Variants in JAZF1 observed in about 807,000 individuals in gnomAD.
The protein encoded by JAZF1 is juxtaposed with another zinc finger protein 1.
In JAZF1, 8 loss-of-function variants were observed where a neutral mutation model predicts 26.4. That is an observed-to-expected ratio of 0.30 (90% CI 0.18 to 0.55). The LOEUF is 0.55. Ranked by LOEUF, JAZF1 falls within the 20% of genes least tolerant of loss-of-function variation. The pLI is 0.94. For missense variants in JAZF1, 199 were observed against 322.0 expected (o/e 0.62, Z 2.92); for synonymous variants, 126 against 122.3 (o/e 1.03, Z -0.20).
intron 4 of JAZF1, 93 bp from the exon 5 acceptor site, chr7:27,833,069 G>A: frequency 1.0e-6 from 1 of 957,720 alleles, no homozygotes. Context: ...GCAGTTCCTG[G>A]ATGGCAGCTG....
chr7:27,991,176 G>T (rs1042775043), intron 2 of JAZF1, among the ~76,000 whole-genome samples: 5 of 152,140 alleles, frequency 3.3e-5, no homozygotes, highest in Admixed American at 2.0e-4. Flanking sequence ...CCTATCAATA[G>T]AAATTCATTC....
intron 3 of JAZF1, among the ~76,000 whole-genome samples, chr7:27,847,398 C>T (rs1229806662): frequency 1.3e-5 from 2 of 152,116 alleles, no homozygotes; most frequent in Non-Finnish European, 2.9e-5. Flanking sequence ...CCCACATTCT[C>T]CTGTTCTCTA....
intron 1 of JAZF1, among the ~76,000 whole-genome samples, chr7:28,080,301 T>C (rs1784114611): frequency 6.6e-6 from 1 of 152,246 alleles, no homozygotes; most frequent in Non-Finnish European, 1.5e-5. Context: ...GATCAGGCTT[T>C]GGCTTACGGG....
At chr7:28,031,011 C>T (rs947011880) in intron 1 of JAZF1, among the ~76,000 whole-genome samples, 1 of 152,182 alleles carries the variant, frequency 6.6e-6, no homozygotes, top group African/African-American at 2.4e-5. Context: ...TCCCAGGCAT[C>T]TCATCAATTA....
At chr7:28,096,907 T>C (rs1352557813) in intron 1 of JAZF1, among the ~76,000 whole-genome samples, 1 of 152,162 alleles carries the variant, frequency 6.6e-6, no homozygotes, top group Non-Finnish European at 1.5e-5. Context: ...AAACAGCAAA[T>C]TCAAGCCTAA....
At chr7:27,893,945 G>A (rs1784016828) in intron 3 of JAZF1, among the ~76,000 whole-genome samples, 1 of 152,162 alleles carries the variant, frequency 6.6e-6, no homozygotes. Context: ...GAAATAAATT[G>A]AATTCTGGGA....
chr7:27,974,420 T>G (rs564370901), intron 2 of JAZF1, among the ~76,000 whole-genome samples: 77 of 152,122 alleles, frequency 5.1e-4, no homozygotes, highest in Non-Finnish European at 9.4e-4. Flanking sequence ...TGAGAGCATC[T>G]GCTGACGAGG....
intron 1 of JAZF1, among the ~76,000 whole-genome samples, chr7:28,111,734 A>T (rs1784664128): frequency 6.6e-6 from 1 of 152,194 alleles, no homozygotes. Flanking sequence ...TAATAACAAC[A>T]ACAGTGTATT....
At chr7:28,110,939 T>C (rs1784651819) in intron 1 of JAZF1, among the ~76,000 whole-genome samples, 1 of 152,194 alleles carries the variant, frequency 6.6e-6, no homozygotes, top group Admixed American at 6.5e-5. Flanking sequence ...CAGTAAAAAC[T>C]ACCACTGGTA....
intron 1 of JAZF1, among the ~76,000 whole-genome samples, chr7:28,166,559 C>G (rs539901774): frequency 1.3e-5 from 2 of 152,270 alleles, no homozygotes; most frequent in South Asian, 4.1e-4. Flanking sequence ...CTTGTTTTTT[C>G]CATTGCTTGG....
chr7:28,129,769 G>T (rs946336046), intron 1 of JAZF1, among the ~76,000 whole-genome samples: 33 of 152,100 alleles, frequency 2.2e-4, no homozygotes, highest in African/African-American at 8.0e-4. Context: ...AAGGGAGAAA[G>T]TATAAAATAC....
At chr7:28,153,317 A>C in intron 1 of JAZF1, among the ~76,000 whole-genome samples, 1 of 148,670 alleles carries the variant, frequency 6.7e-6, no homozygotes, top group Admixed American at 6.8e-5. Context: ...TCACACTTCC[A>C]CTAAAAAAAA....
At chr7:28,109,525 AC>A (rs1165446906) in intron 1 of JAZF1, among the ~76,000 whole-genome samples, 4 of 152,234 alleles carry the variant, frequency 2.6e-5, no homozygotes, top group Non-Finnish European at 1.5e-5. Flanking sequence ...CAGGAAAAAA[AC>A]ATCTGTAATA....
At chr7:27,841,443 A>G (rs1351084893) in intron 3 of JAZF1, 1 of 152,464 alleles carries the variant, frequency 6.6e-6, no homozygotes, top group African/African-American at 2.4e-5. Flanking sequence ...CCCTCACGCT[A>G]GGGAGCAAGA....
chr7:27,890,621 C>A (rs1028715583), intron 3 of JAZF1, among the ~76,000 whole-genome samples: 5 of 152,062 alleles, frequency 3.3e-5, no homozygotes, highest in African/African-American at 1.2e-4. Context: ...CCTTAGTAAG[C>A]CTCTATTTCT....
intron 2 of JAZF1, among the ~76,000 whole-genome samples, chr7:27,932,058 T>C (rs1784695663): frequency 6.6e-6 from 1 of 152,202 alleles, no homozygotes; most frequent in South Asian, 2.1e-4. Context: ...GCGTGGGCTA[T>C]TTTAATTTTT....
At chr7:28,095,286 T>C (rs1225815696) in intron 1 of JAZF1, among the ~76,000 whole-genome samples, 3 of 152,150 alleles carry the variant, frequency 2.0e-5, no homozygotes, top group African/African-American at 7.2e-5. Context: ...GGGTTATTTA[T>C]AAAGGAAAGA....
intron 1 of JAZF1, among the ~76,000 whole-genome samples, chr7:28,051,090 C>G (rs1411871501): frequency 2.8e-5 from 4 of 141,166 alleles, no homozygotes; most frequent in Non-Finnish European, 4.5e-5. Flanking sequence ...CAAGATCGCA[C>G]CATTGCACTC....
chr7:27,894,532 G>A (rs994075798), intron 3 of JAZF1, among the ~76,000 whole-genome samples: 1 of 152,170 alleles, frequency 6.6e-6, no homozygotes, highest in Admixed American at 6.5e-5. Context: ...GCGAGGACCT[G>A]GAGGAGAGCA....
Sources: allele counts gnomAD v4.1 joint callset (sites outside exome capture counted in the v4.1 genomes callset), GRCh38; gene constraint gnomAD v4.1.1; transcripts MANE v1.5; gene names NCBI Gene and HGNC (gene_info 2026-07-23, HGNC 2026-07-21).